CES4A: variants seen among roughly 807,000 people sequenced by gnomAD.
CES4A encodes the protein carboxylesterase 6.
In CES4A, 48 loss-of-function variants were observed where a neutral mutation model predicts 65.4. The ratio of observed to expected loss-of-function variants is 0.73; its 90% CI spans 0.58 to 0.93. The LOEUF (loss-of-function observed/expected upper bound fraction) is 0.93. Among genes scored for constraint, CES4A ranks in the 40% least tolerant of loss-of-function variants. The pLI, the probability that CES4A is intolerant of heterozygous loss-of-function variation, is 0.00. For synonymous variants in CES4A, 247 were observed against 281.8 expected (o/e 0.88, Z 1.24); for missense variants, 685 against 728.5 (o/e 0.94, Z 0.69).
intron 2 of CES4A, among the ~76,000 whole-genome samples, chr16:66,996,824 C>T (rs1175924705): frequency 2.0e-5 from 3 of 152,094 alleles, no homozygotes; most frequent in Non-Finnish European, 4.4e-5. Context: ...TAGGCCAAGG[C>T]AGGAGGACTG....
chr16:67,006,576 C>G (rs1211521093), intron 12 of CES4A, 57 bp downstream of exon 12: 20 of 1,560,472 alleles, frequency 1.3e-5, no homozygotes, highest in African/African-American at 2.7e-5. Context: ...CCTCTGGATG[C>G]AGACCCACCC....
At chr16:66,991,082 T>G (rs1964351774) in intron 1 of CES4A, among the ~76,000 whole-genome samples, 1 of 152,166 alleles carries the variant, frequency 6.6e-6, no homozygotes, top group Non-Finnish European at 1.5e-5. Context: ...TGGAGCACAG[T>G]GATGCGATCT....
rs1218974729 is a variant in CES4A at position 67,000,925 on chromosome 16, G to A, written c.471G>A (p.Leu157=). Residue 157 remains leucine, a synonymous_variant, in exon 4 of 14, where the codon TTG becomes TTA. Transcript: ENST00000648724. The surrounding 1 kb of genome is among the most constrained non-coding windows in gnomAD (Gnocchi z 4.2). ...CTTCTTCGTACGAGGGCTCTGACTT[G>A]GCCGCCCGCGAGAAAGTGGTGCTGG... The A allele has an allele frequency of 9.9e-6, 16 of 1,613,286 alleles. No homozygotes were observed. The highest frequency in any genetic ancestry group is 1.3e-5 in the Non-Finnish European group (15 of 1,179,618).
chr16:66,996,556 T>G (rs1360960310), intron 2 of CES4A, among the ~76,000 whole-genome samples: 1 of 152,226 alleles, frequency 6.6e-6, no homozygotes, highest in Non-Finnish European at 1.5e-5. Context: ...TTTGAAGCAC[T>G]GGGCTTGGCG....
In CES4A at chr16:67,000,755, C is replaced by A. The variant is rs988754220; in HGVS notation, c.378C>A (p.Arg126=). 3.2e-6 allele frequency: 5 copies of A among 1,548,984 alleles called. No individual in the cohort carries two copies. In the African/African-American group the frequency reaches 5.5e-5, roughly 17 times the overall value. Residue 126 remains arginine, a synonymous_variant, in exon 3 of 14, where the codon CGC becomes CGA. Coordinates refer to ENST00000648724, the Ensembl canonical transcript of CES4A. The surrounding 1 kb of genome is among the most constrained non-coding windows in gnomAD (Gnocchi z 4.2). ...ACCTGAACGTGTACGCGCCGGCGCGCGCGCCCGGGGATCCCCAGCTGCCAG... is the reference window on the plus strand; with the variant it reads ...ACCTGAACGTGTACGCGCCGGCGCGAGCGCCCGGGGATCCCCAGCTGCCAG...
chr16:67,007,073 T>C, intron 13 of CES4A: 1 of 475,688 alleles, frequency 2.1e-6, no homozygotes, highest in Non-Finnish European at 3.8e-6. Context: ...CTGCACTCTT[T>C]TGGGCCCAGC....
At chr16:67,009,069 T>C in exon 14 of CES4A, 2 of 1,614,142 alleles carry the variant, frequency 1.2e-6, no homozygotes, top group Non-Finnish European at 1.7e-6. Flanking sequence ...GGCATGAAGC[T>C]CAAGGAGAAG....
Position 67,000,606 on chromosome 16 carries a change from C to T in CES4A, c.261-32C>T. ...CGGACCCTGGATTGAAACGATCTCC[C>T]CGCGGCCGCCGCCGCTACCTGGTGC... On this transcript the variant is annotated intron_variant, in intron 2 of 13. Coordinates refer to ENST00000648724, the Ensembl canonical transcript of CES4A. The surrounding 1 kb of genome is among the most constrained non-coding windows in gnomAD (Gnocchi z 4.2). 2.6e-6 allele frequency: 4 copies of T among 1,530,306 alleles called. No homozygotes were observed. Among genetic ancestry groups the T allele is most frequent in the Non-Finnish European group, 2.6e-6 (3 of 1,135,436 alleles). The allele number at this position is 1,530,306 out of a possible 1,614,324, so 94.8% of individuals were successfully genotyped here. A position where few individuals can be genotyped will look rare whatever the true frequency, so the allele number is the denominator to read the frequency against.
intron 13 of CES4A, 172 bp downstream of exon 13, chr16:67,006,989 G>A (rs974058565): frequency 1.2e-5 from 7 of 601,496 alleles, no homozygotes; most frequent in East Asian, 2.8e-5. Context: ...GATCCTAAAC[G>A]TCTCTAGAAT....
intron 2 of CES4A, among the ~76,000 whole-genome samples, chr16:66,997,381 A>C (rs994772820): frequency 3.9e-5 from 6 of 152,144 alleles, no homozygotes; most frequent in Non-Finnish European, 8.8e-5. Context: ...GAATTTGTGG[A>C]TTGCTCAGAA....
At chr16:67,006,467 G>A in exon 12 of CES4A, 2 of 1,536,546 alleles carry the variant, frequency 1.3e-6, no homozygotes, top group Non-Finnish European at 8.7e-7. Flanking sequence ...GCACTGATGG[G>A]GCAGACCATG....
At chr16:66,996,377 G>A (rs1358009763) in intron 2 of CES4A, among the ~76,000 whole-genome samples, 1 of 152,128 alleles carries the variant, frequency 6.6e-6, no homozygotes, top group Non-Finnish European at 1.5e-5. Flanking sequence ...CAAGGGGGAG[G>A]CTGTCACCGA....
At chr16:67,004,307 G>A in intron 9 of CES4A, 83 bp downstream of exon 9, 2 of 1,503,544 alleles carry the variant, frequency 1.3e-6, no homozygotes, top group Non-Finnish European at 9.1e-7. Flanking sequence ...CTCTTGGACG[G>A]TGCTGGGCAC....
At chr16:67,005,507 A>G (rs1238802867) in intron 11 of CES4A, 114 bp downstream of exon 11, 7 of 1,036,536 alleles carry the variant, frequency 6.8e-6, no homozygotes, top group Non-Finnish European at 9.8e-6. Context: ...CTGGGCTAGT[A>G]TAGGATTCTA....
exon 14 of CES4A, chr16:67,009,291 A>C: frequency 4.1e-6 from 3 of 736,624 alleles, no homozygotes; most frequent in Non-Finnish European, 6.5e-6. Flanking sequence ...GGCCAAAGCT[A>C]GAGCTTTTGC....
intron 2 of CES4A, among the ~76,000 whole-genome samples, chr16:66,999,924 T>C (rs1420936416): frequency 6.6e-6 from 1 of 152,016 alleles, no homozygotes; most frequent in African/African-American, 2.4e-5. Flanking sequence ...AGGCATTTGC[T>C]TGAGAGGACT....
At position 66,988,780 on chromosome 16, in the gene CES4A, G is replaced by A. The variant is rs1436735481; in HGVS notation, c.8G>A (p.Trp3Ter). 13 of 1,565,586 alleles carry A rather than the reference G, an allele frequency of 8.3e-6. No individual in the cohort carries two copies. The highest frequency in any genetic ancestry group is 9.5e-6 in the Non-Finnish European group (11 of 1,154,046). The change falls in exon 1 of 14, where the codon TGG (tryptophan) becomes TAG (stop). Residue 3 changes from tryptophan (W) to a stop codon, truncating the protein, a stop_gained. Transcript: ENST00000648724. LOFTEE classifies it high-confidence loss of function. ...GCAGGAGCTGGCTGGAGCATGAGGTGGATTCTGTGCTGGAGCCTCACCCTC... is the reference window on the plus strand; with the variant it reads ...GCAGGAGCTGGCTGGAGCATGAGGTAGATTCTGTGCTGGAGCCTCACCCTC...
Position 67,001,401 on chromosome 16 carries a change from A to T in CES4A, c.630A>T (p.Gly210=). The change falls in exon 5 of 14, where the codon GGA becomes GGT. Residue 210 remains glycine, a synonymous_variant. Coordinates refer to ENST00000648724, the Ensembl canonical transcript of CES4A. The surrounding 1 kb of genome is among the most constrained non-coding windows in gnomAD (Gnocchi z 4.1). ...AGGAGAACATCGCAGCCTTCGGGGG[A>T]GACCCAGGAAATGTGACCCTGTTCG... The T allele has an allele frequency of 6.2e-7, 1 of 1,613,502 alleles. No individual in the cohort carries two copies. Among genetic ancestry groups the T allele is most frequent in the African/African-American group, 1.3e-5 (1 of 74,940 alleles).
chr16:66,989,876 A>G (rs775624138), intron 1 of CES4A, among the ~76,000 whole-genome samples: 4 of 151,434 alleles, frequency 2.6e-5, no homozygotes, highest in Non-Finnish European at 4.4e-5. Flanking sequence ...ACAAAAAACC[A>G]TCTCCAGCGT....
Sources: gnomAD v4.1 joint callset for allele counts (sites outside exome capture counted in the v4.1 genomes callset) on GRCh38, gnomAD v4.1.1 for gene constraint, Gnocchi (gnomAD v3.1) non-coding constraint, MANE v1.5 for transcripts, NCBI Gene and HGNC (gene_info 2026-07-23, HGNC 2026-07-21) for gene names.